The following RBPMS variants were observed in gnomAD, a reference collection of about 807,000 sequenced individuals.
RBPMS encodes RNA-binding protein with multiple splicing.
In RBPMS, 7 loss-of-function variants were observed where a neutral mutation model predicts 26.8. The ratio of observed to expected loss-of-function variants is 0.26; its 90% CI spans 0.15 to 0.49. The LOEUF (loss-of-function observed/expected upper bound fraction) is 0.49, where lower values mean the gene tolerates loss of function less well. Ranked by LOEUF, RBPMS falls within the 20% of genes least tolerant of loss-of-function variation. The probability of loss-of-function intolerance (pLI) is 0.98; values close to 1 mark genes in which losing one functional copy is unlikely to be tolerated. For synonymous variants in RBPMS, 96 were observed against 93.3 expected (o/e 1.03, Z -0.17); for missense variants, 186 against 250.0 (o/e 0.74, Z 1.73).
chr8:30,461,216 G>A (rs1364340835), intron 1 of RBPMS, among the ~76,000 whole-genome samples: 2 of 152,088 alleles, frequency 1.3e-5, no homozygotes, highest in Admixed American at 6.6e-5. Flanking sequence ...CAGGATTATG[G>A]CATCATAAAG....
chr8:30,464,921 T>C (rs992995651), intron 1 of RBPMS, among the ~76,000 whole-genome samples: 2 of 152,214 alleles, frequency 1.3e-5, no homozygotes, highest in Non-Finnish European at 2.9e-5. Flanking sequence ...CTTAGGGCAT[T>C]AGAATGCAAC....
chr8:30,459,899 ATTTGTTGTCT>A (rs1459482134), intron 1 of RBPMS, among the ~76,000 whole-genome samples: 1 of 152,070 alleles, frequency 6.6e-6, no homozygotes, highest in Non-Finnish European at 1.5e-5. Flanking sequence ...TTCCTCTCAC[ATTTGTTGTCT>A]TTTGTTGTTT....
chr8:30,474,052 C>A (rs1011377143), intron 1 of RBPMS, among the ~76,000 whole-genome samples: 6 of 152,008 alleles, frequency 3.9e-5, no homozygotes. Flanking sequence ...ACCTTTGTAA[C>A]CTGTACATCC....
chr8:30,537,381 A>C (rs1824904396), intron 5 of RBPMS, among the ~76,000 whole-genome samples: 1 of 152,050 alleles, frequency 6.6e-6, no homozygotes, highest in South Asian at 2.1e-4. Flanking sequence ...TGGCATATTT[A>C]TTTTGGGGTC....
chr8:30,531,883 T>C (rs1372851051), intron 5 of RBPMS, among the ~76,000 whole-genome samples: 1 of 152,226 alleles, frequency 6.6e-6, no homozygotes, highest in Non-Finnish European at 1.5e-5. Context: ...TGTTGTAAAT[T>C]GGCAGGTTCA....
At chr8:30,492,878 A>G (rs1819545010) in intron 4 of RBPMS, among the ~76,000 whole-genome samples, 1 of 152,002 alleles carries the variant, frequency 6.6e-6, no homozygotes, top group African/African-American at 2.4e-5. Flanking sequence ...TTGGTGCCAA[A>G]TTCACTGATT....
intron 4 of RBPMS, among the ~76,000 whole-genome samples, chr8:30,488,370 TAGGTATTCACTTAG>T (rs1819016147): frequency 6.6e-6 from 1 of 152,188 alleles, no homozygotes; most frequent in South Asian, 2.1e-4. Context: ...TCACAGAATT[TAGGTATTCACTTAG>T]AAGTCAGATG....
At chr8:30,520,580 G>T (rs1370565354) in intron 5 of RBPMS, among the ~76,000 whole-genome samples, 1 of 152,078 alleles carries the variant, frequency 6.6e-6, no homozygotes, top group African/African-American at 2.4e-5. Flanking sequence ...CTTCCTAATG[G>T]TTCAGAACCA....
intron 4 of RBPMS, among the ~76,000 whole-genome samples, chr8:30,487,387 G>A (rs947591789): frequency 2.0e-5 from 3 of 152,262 alleles, no homozygotes; most frequent in African/African-American, 7.2e-5. Context: ...CTCTGTAACT[G>A]GAATGCATTA....
intron 1 of RBPMS, among the ~76,000 whole-genome samples, chr8:30,435,760 A>G (rs1812385965): frequency 6.6e-6 from 1 of 152,332 alleles, no homozygotes; most frequent in East Asian, 1.9e-4. Flanking sequence ...AGAGTCTTCA[A>G]AGATAAATCA....
chr8:30,439,437 A>G (rs1355439063), intron 1 of RBPMS, among the ~76,000 whole-genome samples: 1 of 152,224 alleles, frequency 6.6e-6, no homozygotes, highest in East Asian at 1.9e-4. Context: ...ATGATTTACA[A>G]GGAAACCCAT....
At position 30,424,984 on chromosome 8, in the gene RBPMS, C is replaced by G. The variant is rs554176749; in HGVS notation, c.66+39826C>G. Among the ~76,000 whole-genome samples the G allele has an allele frequency of 3.9e-5, 6 of 152,230 alleles. 2 individuals are homozygous for G. Among genetic ancestry groups the G allele is most frequent in the African/African-American group, 1.4e-4 (6 of 41,548 alleles). Reference sequence around the variant, plus strand: ...TTATTTATTTAGAGACAGGGTTTCACTCTGTCATCCACCCAGGCTGGAGTG... The same window carrying G: ...TTATTTATTTAGAGACAGGGTTTCAGTCTGTCATCCACCCAGGCTGGAGTG... On this transcript the variant is annotated intron_variant, in intron 1 of 8. Transcript: ENST00000397323.
At chr8:30,496,716 T>G (rs528689983) in intron 4 of RBPMS, among the ~76,000 whole-genome samples, 66 of 152,224 alleles carry the variant, frequency 4.3e-4, no homozygotes, top group Non-Finnish European at 5.9e-4. Context: ...AGTTTTCACT[T>G]GTAACACAGT....
At chr8:30,554,904 T>G (rs1438520845) in intron 6 of RBPMS, among the ~76,000 whole-genome samples, 1 of 152,192 alleles carries the variant, frequency 6.6e-6, no homozygotes, top group Non-Finnish European at 1.5e-5. Flanking sequence ...GATAGCGCAA[T>G]GCAAATCATT....
At chr8:30,414,771 A>G (rs1809866166) in intron 1 of RBPMS, among the ~76,000 whole-genome samples, 1 of 152,194 alleles carries the variant, frequency 6.6e-6, no homozygotes, top group Non-Finnish European at 1.5e-5. Flanking sequence ...GAGGAAGGAA[A>G]CAAAATTCAC....
intron 1 of RBPMS, among the ~76,000 whole-genome samples, chr8:30,474,476 T>A (rs1317360525): frequency 6.6e-6 from 1 of 152,174 alleles, no homozygotes; most frequent in African/African-American, 2.4e-5. Flanking sequence ...AGTTAGCTTG[T>A]AAATTTAAAT....
Position 30,384,883 on chromosome 8 carries a change from T to C in RBPMS, c.-210T>C. 1 of 346,858 alleles carries C rather than the reference T, an allele frequency of 2.9e-6. No homozygotes were observed. The highest frequency in any genetic ancestry group is 5.1e-6 in the Non-Finnish European group (1 of 197,188). 21.5% of individuals were successfully genotyped at this position (346,858 alleles called of 1,614,324 possible). A position where few individuals can be genotyped will look rare whatever the true frequency, so the allele number is the denominator to read the frequency against. ...CCGTCTCTCCCTTGCACTTCCTGAG[T>C]CGCCCGCCGCCGCCGTCGCAGACTC... On this transcript the variant is annotated 5_prime_UTR_variant, in exon 1 of 9. Transcript: ENST00000397323. This position sits in a 1 kb window ranked among gnomAD's most constrained non-coding sequence, Gnocchi z 5.6.
At chr8:30,549,726 A>ATTTCTTTCTTTC in intron 6 of RBPMS, 1 of 496,168 alleles carries the variant, frequency 2.0e-6, no homozygotes, top group Non-Finnish European at 3.6e-6. Context: ...CCTGGAGGCG[A>ATTTCTTTCTTTC]TTTCTTTCTT....
At chr8:30,487,969 G>A (rs943009864) in intron 4 of RBPMS, among the ~76,000 whole-genome samples, 6 of 152,000 alleles carry the variant, frequency 3.9e-5, no homozygotes, top group Non-Finnish European at 5.9e-5. Flanking sequence ...CCATTGTGCG[G>A]CAAGTTAATT....
Sources: gnomAD v4.1 joint callset for allele counts (sites outside exome capture counted in the v4.1 genomes callset) on GRCh38, gnomAD v4.1.1 for gene constraint, Gnocchi (gnomAD v3.1) non-coding constraint, MANE v1.5 for transcripts, NCBI Gene and HGNC (gene_info 2026-07-23, HGNC 2026-07-21) for gene names.